The following SPATA1 variants were observed in gnomAD, a reference collection of about 807,000 sequenced individuals.
SPATA1 encodes spermatogenesis associated 1.
SPATA1 carries 57 observed loss-of-function variants against 59.6 expected under a neutral mutation model. The observed-to-expected ratio is 0.96, with a 90% CI of 0.77 to 1.19. The LOEUF is 1.19. SPATA1 is among the 50% of genes most tolerant of loss of function. The pLI is 0.00. For missense variants in SPATA1, 448 were observed against 480.7 expected, an observed-to-expected ratio of 0.93 and a Z score of 0.64; for synonymous variants, 147 against 163.9, an observed-to-expected ratio of 0.90 and a Z score of 0.79.
intron 4 of SPATA1, among the ~76,000 whole-genome samples, chr1:84,522,844 C>G (rs1325846219): frequency 6.6e-6 from 1 of 151,630 alleles, no homozygotes; most frequent in Non-Finnish European, 1.5e-5. Flanking sequence ...GTTCTCATCA[C>G]TTGTGCCACA....
chr1:84,529,576 CTTTTTT>C (rs761561650), intron 6 of SPATA1, among the ~76,000 whole-genome samples: 1 of 91,348 alleles, frequency 1.1e-5, no homozygotes, highest in Non-Finnish European at 2.0e-5. Flanking sequence ...GGTAATATGC[CTTTTTT>C]TTTTTTTTTT....
At chr1:84,518,683 T>C (rs1390094261) in intron 2 of SPATA1, among the ~76,000 whole-genome samples, 5 of 151,936 alleles carry the variant, frequency 3.3e-5, no homozygotes, top group Non-Finnish European at 5.9e-5. Context: ...TCAATCATAC[T>C]GGCATGCTCT....
At position 84,548,978 on chromosome 1, in the gene SPATA1, T is replaced by C. The variant is rs1344657624; in HGVS notation, c.1125+14T>C. 22 of 1,542,110 alleles carry C rather than the reference T, an allele frequency of 1.4e-5. No individual in the cohort carries two copies. In the East Asian group the frequency reaches 4.6e-4, roughly 32 times the overall value. On this transcript the variant is annotated intron_variant, in intron 11 of 12. Transcript: ENST00000490879. ...ACAGACTCCAAGGTATTACTAAATG[T>C]ATCCCCCTTCCGTTAGAGAAGTTCT...
intron 12 of SPATA1, chr1:84,551,382 A>G: frequency 6.9e-6 from 5 of 729,702 alleles, no homozygotes; most frequent in Non-Finnish European, 8.4e-6. Flanking sequence ...AATAAATAAA[A>G]TTTAAAAATA....
chr1:84,534,727 G>T (rs1683603871), intron 8 of SPATA1, among the ~76,000 whole-genome samples: 1 of 152,056 alleles, frequency 6.6e-6, no homozygotes, highest in African/African-American at 2.4e-5. Flanking sequence ...ACAACTATTT[G>T]TGGAGGTACT....
intron 8 of SPATA1, among the ~76,000 whole-genome samples, chr1:84,542,188 T>G (rs1329738564): frequency 6.6e-6 from 1 of 152,162 alleles, no homozygotes; most frequent in Non-Finnish European, 1.5e-5. Flanking sequence ...GGTCTTGAAC[T>G]CCTGACCTCA....
At position 84,523,061 on chromosome 1, in the gene SPATA1, C is replaced by T. The variant is rs993012157; in HGVS notation, c.261+554C>T. ...CTGGGATTACAGGCATGCGACACCA[C>T]GCCCGGCTAAGTTTTGTATTTTTAG... On this transcript the variant is annotated intron_variant, in intron 4 of 12. Transcript: ENST00000490879. 6.0e-4 allele frequency among the ~76,000 whole-genome samples: 92 copies of T among 152,092 alleles called. 1 individual carries two copies. The highest frequency in any genetic ancestry group is 5.9e-3 in the Admixed American group (90 of 15,252).
exon 6 of SPATA1, chr1:84,526,060 G>C (rs1227118946): frequency 1.2e-6 from 2 of 1,607,702 alleles, no homozygotes; most frequent in Non-Finnish European, 1.7e-6. Context: ...TTCCTAACAA[G>C]AATCAGGAAG....
intron 6 of SPATA1, among the ~76,000 whole-genome samples, chr1:84,530,883 C>T (rs145384956): frequency 3.9e-5 from 6 of 152,266 alleles, no homozygotes; most frequent in East Asian, 3.9e-4. Context: ...TTGTACATAC[C>T]GTATTCTTTG....
At chr1:84,522,782 T>G (rs1176929400) in intron 4 of SPATA1, among the ~76,000 whole-genome samples, 2 of 152,224 alleles carry the variant, frequency 1.3e-5, no homozygotes, top group Non-Finnish European at 2.9e-5. Context: ...TGAATTTAAA[T>G]GAAAGTTTTT....
intron 12 of SPATA1, chr1:84,551,912 A>T (rs1250156021): frequency 6.6e-6 from 1 of 152,174 alleles, no homozygotes; most frequent in East Asian, 1.9e-4. Flanking sequence ...TCTTCTGGAA[A>T]GCATGCACAT....
intron 6 of SPATA1, among the ~76,000 whole-genome samples, chr1:84,528,826 T>G (rs1683340716): frequency 6.6e-6 from 1 of 152,196 alleles, no homozygotes; most frequent in Non-Finnish European, 1.5e-5. Flanking sequence ...AAGTTCCTGT[T>G]GAACCATAAT....
intron 8 of SPATA1, among the ~76,000 whole-genome samples, chr1:84,535,681 G>A (rs1373406019): frequency 6.6e-6 from 1 of 151,164 alleles, no homozygotes; most frequent in African/African-American, 2.4e-5. Flanking sequence ...CTCATCTATT[G>A]AGATTTTGCT....
intron 8 of SPATA1, among the ~76,000 whole-genome samples, chr1:84,542,890 C>A (rs1204064879): frequency 1.3e-5 from 2 of 151,938 alleles, no homozygotes; most frequent in East Asian, 1.9e-4. Flanking sequence ...GTTCCAAGAC[C>A]CCCTGTGGAT....
intron 6 of SPATA1, among the ~76,000 whole-genome samples, chr1:84,529,681 C>T (rs550469604): frequency 7.4e-6 from 1 of 135,894 alleles, no homozygotes; most frequent in Admixed American, 8.3e-5. Context: ...TCCCGGGTTT[C>T]AGCAATTCTC....
downstream of SPATA1, among the ~76,000 whole-genome samples, chr1:84,555,452 C>A (rs1006542924): frequency 1.3e-5 from 2 of 152,112 alleles, no homozygotes; most frequent in Admixed American, 1.3e-4. Flanking sequence ...TTAGACTTTA[C>A]GATGGATTTA....
At chr1:84,538,951 C>T (rs1346152282) in intron 8 of SPATA1, among the ~76,000 whole-genome samples, 4 of 146,154 alleles carry the variant, frequency 2.7e-5, no homozygotes, top group African/African-American at 1.1e-4. Context: ...AGACACATGC[C>T]ACCACACCCA....
chr1:84,508,811 A>G (rs919877592), intron 1 of SPATA1, among the ~76,000 whole-genome samples: 6 of 152,202 alleles, frequency 3.9e-5, no homozygotes, highest in African/African-American at 1.4e-4. Context: ...AGTTTGGAGA[A>G]AAAAATATAT....
intron 4 of SPATA1, among the ~76,000 whole-genome samples, chr1:84,561,614 C>T (rs1684595165): frequency 6.6e-6 from 1 of 152,122 alleles, no homozygotes; most frequent in Non-Finnish European, 1.5e-5. Context: ...AGAAATCTTT[C>T]GTGAAAGGAA....
Sources: gnomAD v4.1 joint callset for allele counts (sites outside exome capture counted in the v4.1 genomes callset) on GRCh38, gnomAD v4.1.1 for gene constraint, MANE v1.5 for transcripts, NCBI Gene and HGNC (gene_info 2026-07-23, HGNC 2026-07-21) for gene names.